GORASP2: variants seen among roughly 807,000 people sequenced by gnomAD.
The protein encoded by GORASP2 is Golgi reassembly-stacking protein 2.
GORASP2 carries 22 observed loss-of-function variants against 45.7 expected under a neutral mutation model. That is an observed-to-expected ratio of 0.48 (90% CI 0.34 to 0.69). GORASP2 has a LOEUF of 0.69. Ranked by LOEUF, GORASP2 falls within the 30% of genes least tolerant of loss-of-function variation. The pLI is 0.01. For synonymous variants in GORASP2, 221 were observed against 215.6 expected (o/e 1.02, Z -0.22); for missense variants, 491 against 562.7 (o/e 0.87, Z 1.29).
intron 5 of GORASP2, 44 bp from the exon 6 acceptor site, chr2:170,954,606 A>C (rs1157674071): frequency 6.4e-7 from 1 of 1,556,550 alleles, no homozygotes; most frequent in East Asian, 2.3e-5. Context: ...AAAGAAATAC[A>C]AGCTGTGATA....
intron 1 of GORASP2, chr2:170,936,614 C>G (rs969183231): frequency 3.5e-5 from 46 of 1,296,416 alleles, no homozygotes; most frequent in Non-Finnish European, 4.7e-5. Flanking sequence ...GTTTTGTTCT[C>G]TCTTTTAAGC....
Position 170,965,969 on chromosome 2 carries a change from A to C in GORASP2, c.1198A>C (p.Thr400Pro). The C allele has an allele frequency of 1.2e-6, 2 of 1,613,938 alleles. No individual in the cohort carries two copies. Among genetic ancestry groups the C allele is most frequent in the Non-Finnish European group, 8.5e-7 (1 of 1,179,962 alleles). ...CAACGCACCCTCCGACCCTGCCACA[A>C]CTACTGCAAAGGCAGACGCTGCCTC... ...TSNAPSDPAT[T>P]TAKADAASSL... Residue 400 changes from threonine to proline, a missense_variant, in exon 10 of 10, where the codon ACT becomes CCT. Physicochemically the swap from Thr to Pro is conservative, Grantham distance 38 (BLOSUM62 -1). Coordinates refer to ENST00000234160, the MANE Select transcript of GORASP2 (RefSeq NM_015530.5).
At chr2:170,933,610 T>A (rs1300792059) in intron 1 of GORASP2, among the ~76,000 whole-genome samples, 1 of 152,186 alleles carries the variant, frequency 6.6e-6, no homozygotes, top group Non-Finnish European at 1.5e-5. Flanking sequence ...AAATTATTAG[T>A]GACATAGTTC....
chr2:170,945,690 A>G (rs561762858), intron 1 of GORASP2, among the ~76,000 whole-genome samples: 2 of 152,330 alleles, frequency 1.3e-5, no homozygotes, highest in East Asian at 3.9e-4. Flanking sequence ...TACTGTTATC[A>G]AAAGAAGAAT....
chr2:170,936,991 C>T (rs968694137), intron 1 of GORASP2, among the ~76,000 whole-genome samples: 5 of 151,932 alleles, frequency 3.3e-5, no homozygotes, highest in South Asian at 4.2e-4. Context: ...GGTGGATCAC[C>T]GAGGTCAGGA....
At position 170,948,925 on chromosome 2, in the gene GORASP2, G is replaced by A. The variant is rs114890752; in HGVS notation, c.144+495G>A. On this transcript the variant is annotated intron_variant, in intron 2 of 9. Coordinates refer to ENST00000234160, the MANE Select transcript of GORASP2 (RefSeq NM_015530.5). ...TTGTTTAGAGTTTACCCATAATAAA[G>A]TTCTAAGATAAAGAAATTATATAAT... Among the ~76,000 whole-genome samples the A allele has an allele frequency of 5.8e-3, 890 of 152,228 alleles. 11 individuals carry two copies. The highest frequency in any genetic ancestry group is 0.02 in the African/African-American group (825 of 41,540).
At chr2:170,939,347 C>T (rs996196053) in intron 1 of GORASP2, among the ~76,000 whole-genome samples, 2 of 152,208 alleles carry the variant, frequency 1.3e-5, no homozygotes, top group African/African-American at 4.8e-5. Flanking sequence ...AATGTTTTAG[C>T]AGGTGAGGCT....
At chr2:170,948,308 T>C (rs1309358910) in intron 1 of GORASP2, 42 bp from the exon 2 acceptor site, 2 of 1,134,250 alleles carry the variant, frequency 1.8e-6, no homozygotes, top group South Asian at 2.6e-5. Context: ...AATTTTCACC[T>C]AAGCTTTACA....
Position 170,966,115 on chromosome 2 carries a change from T to G in GORASP2, c.1344T>G (p.Ala448=), listed in dbSNP as rs1387893213. 3 of 1,612,622 alleles carry G rather than the reference T, an allele frequency of 1.9e-6. No individual in the cohort carries two copies. Among genetic ancestry groups the G allele is most frequent in the Non-Finnish European group, 8.5e-7 (1 of 1,178,720 alleles). Residue 448 remains alanine (A), a synonymous_variant, in exon 10 of 10, where the codon GCT becomes GCG. Coordinates refer to ENST00000234160, the MANE Select transcript of GORASP2 (RefSeq NM_015530.5). ...TTTCTGCGGCTGTGGATGCCAATGC[T>G]TCTGAGTCACCTTAACTTTGAACCA... The part of the protein sequence containing the change: ...KPVSAAVDAN[A]SESP
At chr2:170,928,922 TGGCCACCAGGGG>T, upstream of GORASP2, 1 of 162,874 alleles carries the variant, frequency 6.1e-6, no homozygotes, top group South Asian at 2.0e-4. Flanking sequence ...TCCCCGCCTC[TGGCCACCAGGGG>T]GACCTGCAAC....
chr2:170,964,393 C>T (rs2105331100), intron 9 of GORASP2, among the ~76,000 whole-genome samples: 1 of 152,358 alleles, frequency 6.6e-6, no homozygotes, highest in Non-Finnish European at 1.5e-5. Flanking sequence ...TGGCTCACGC[C>T]TATAATGCCA....
Position 170,966,167 on chromosome 2 carries a change from A to G in GORASP2, c.*37A>G, listed in dbSNP as rs776966659. On this transcript the variant is annotated 3_prime_UTR_variant, in exon 10 of 10. Transcript: ENST00000234160. ...TCTTTGGAATTGGCGTGGTATATTTAACCACGGGAGCGTGTCTGGAAACGC... is the reference window on the plus strand; with the variant it reads ...TCTTTGGAATTGGCGTGGTATATTTGACCACGGGAGCGTGTCTGGAAACGC... 1 of 1,426,524 alleles carries G rather than the reference A, an allele frequency of 7.0e-7. No homozygotes were observed. Among genetic ancestry groups the G allele is most frequent in the South Asian group, 1.1e-5 (1 of 87,398 alleles). The allele number at this position is 1,426,524 out of a possible 1,614,324, so 88.4% of individuals were successfully genotyped here.
At chr2:170,965,438 T>C (rs1704661674) in intron 9 of GORASP2, among the ~76,000 whole-genome samples, 1 of 152,184 alleles carries the variant, frequency 6.6e-6, no homozygotes, top group Non-Finnish European at 1.5e-5. Flanking sequence ...TGGGTGAGCA[T>C]GAGTCCCCCT....
intron 3 of GORASP2, 122 bp from the exon 4 acceptor site, chr2:170,950,082 C>A: frequency 1.7e-6 from 1 of 581,250 alleles, no homozygotes; most frequent in Admixed American, 3.5e-5. Context: ...ACATCTGACA[C>A]ATCTCTAGCA....
chr2:170,942,286 A>G (rs1704094319), intron 1 of GORASP2, among the ~76,000 whole-genome samples: 1 of 152,172 alleles, frequency 6.6e-6, no homozygotes, highest in Non-Finnish European at 1.5e-5. Flanking sequence ...GGTTTTTAGT[A>G]TATTCATAGA....
chr2:170,951,691 A>G (rs1008690576), intron 5 of GORASP2: 7 of 267,678 alleles, frequency 2.6e-5, no homozygotes, highest in Admixed American at 5.2e-5. Flanking sequence ...AGCTAACAGC[A>G]TTTCTTTTTA....
At chr2:170,931,183 T>TA (rs755278555) in intron 1 of GORASP2, among the ~76,000 whole-genome samples, 3 of 152,252 alleles carry the variant, frequency 2.0e-5, no homozygotes, top group African/African-American at 7.2e-5. Context: ...CAACCTTAGT[T>TA]ACCAATCTGC....
intron 1 of GORASP2, among the ~76,000 whole-genome samples, chr2:170,938,424 T>C (rs1165982884): frequency 6.6e-6 from 1 of 152,256 alleles, no homozygotes; most frequent in Non-Finnish European, 1.5e-5. Context: ...TTTAGTCATA[T>C]AGGCACACAC....
chr2:170,965,445 C>G (rs1704661734), intron 9 of GORASP2, among the ~76,000 whole-genome samples: 1 of 152,170 alleles, frequency 6.6e-6, no homozygotes, highest in Non-Finnish European at 1.5e-5. Flanking sequence ...GCATGAGTCC[C>G]CCTGTCTGAC....
Sources: allele counts gnomAD v4.1 joint callset (sites outside exome capture counted in the v4.1 genomes callset), GRCh38; gene constraint gnomAD v4.1.1; transcripts MANE v1.5; gene names NCBI Gene and HGNC (gene_info 2026-07-23, HGNC 2026-07-21).